Variants in ACO2 observed in about 807,000 individuals in gnomAD.
ACO2 encodes the protein aconitase 2, also known as aconitate hydratase, mitochondrial.
ACO2 carries 31 observed loss-of-function variants against 84.5 expected under a neutral mutation model. The observed-to-expected ratio is 0.37, with a 90% CI of 0.28 to 0.50. The LOEUF is 0.50. ACO2 is among the 20% of genes least tolerant of loss of function. ACO2 has a pLI of 0.97. For missense variants in ACO2, 685 were observed against 1,029.3 expected (o/e 0.67, Z 4.58); for synonymous variants, 414 against 412.7 (o/e 1.00, Z -0.04).
At chr22:41,507,527 G>A (rs1329006833) in intron 2 of ACO2, among the ~76,000 whole-genome samples, 2 of 152,178 alleles carry the variant, frequency 1.3e-5, no homozygotes, top group Non-Finnish European at 2.9e-5. Flanking sequence ...AAGAACCAGC[G>A]CTGCCCTCTT....
At chr22:41,486,897 T>G (rs2038164323) in intron 1 of ACO2, among the ~76,000 whole-genome samples, 1 of 151,358 alleles carries the variant, frequency 6.6e-6, no homozygotes, top group African/African-American at 2.4e-5. Context: ...TTTGTTTTCT[T>G]TTTTTTGAGA....
rs546158816 is a variant in ACO2 at position 41,491,697 on chromosome 22, A to G, written c.37-8029A>G. 4.9e-4 allele frequency among the ~76,000 whole-genome samples: 74 copies of G among 152,248 alleles called. 1 individual carries two copies. The highest frequency in any genetic ancestry group is 8.4e-4 in the Non-Finnish European group (57 of 68,040). The stretch of plus-strand genomic sequence containing the variant: ...TCCTTTATGGAGGAAACAATATAGT[A>G]TAACACATGTGGAGTGCTTTTATTA... On this transcript the variant is annotated intron_variant, in intron 1 of 17. Coordinates refer to ENST00000216254, the MANE Select transcript of ACO2 (RefSeq NM_001098.3).
chr22:41,493,788 G>A (rs978771277), intron 1 of ACO2, among the ~76,000 whole-genome samples: 1 of 152,154 alleles, frequency 6.6e-6, no homozygotes, highest in Non-Finnish European at 1.5e-5. Flanking sequence ...GCCAGGCGCG[G>A]TGGCTCACAC....
At chr22:41,511,991 G>A (rs757877239) in intron 4 of ACO2, 23 bp downstream of exon 4, 13 of 1,587,160 alleles carry the variant, frequency 8.2e-6, no homozygotes, top group South Asian at 3.4e-5. Context: ...TCAGTCTGCC[G>A]TCCCAAGGGC....
intron 1 of ACO2, among the ~76,000 whole-genome samples, chr22:41,485,031 C>T (rs528895378): frequency 6.6e-6 from 1 of 152,064 alleles, no homozygotes; most frequent in Non-Finnish European, 1.5e-5. Flanking sequence ...TGTGCGACCA[C>T]ACTCTGCTAA....
intron 2 of ACO2, among the ~76,000 whole-genome samples, chr22:41,502,829 C>T (rs745952735): frequency 2.0e-5 from 3 of 152,054 alleles, no homozygotes; most frequent in African/African-American, 4.8e-5. Context: ...AGGCTGGTCT[C>T]GAACTCCTGA....
chr22:41,494,508 T>C (rs1326579791), intron 1 of ACO2, among the ~76,000 whole-genome samples: 1 of 148,270 alleles, frequency 6.7e-6, no homozygotes, highest in East Asian at 2.0e-4. Flanking sequence ...ACTTCCCGGG[T>C]TCAAGCGATT....
At chr22:41,527,777 A>G in intron 16 of ACO2, 124 bp from the exon 17 acceptor site, 1 of 1,501,888 alleles carries the variant, frequency 6.7e-7, no homozygotes, top group Non-Finnish European at 9.0e-7. Context: ...CCCCATAGTC[A>G]CTGCCCGGGC....
intron 1 of ACO2, among the ~76,000 whole-genome samples, chr22:41,483,122 C>T (rs1195963908): frequency 1.3e-5 from 2 of 152,102 alleles, no homozygotes; most frequent in Admixed American, 6.5e-5. Context: ...AGGGCGAGGG[C>T]GCAGTGAAAG....
intron 12 of ACO2, 46 bp downstream of exon 12, chr22:41,523,987 T>C (rs1343732320): frequency 1.3e-6 from 2 of 1,567,498 alleles, no homozygotes; most frequent in Admixed American, 3.4e-5. Context: ...CCTCTGGGGG[T>C]CCCTGGCGGG....
intron 1 of ACO2, among the ~76,000 whole-genome samples, chr22:41,472,319 C>T (rs1258648653): frequency 1.3e-5 from 2 of 150,238 alleles, no homozygotes; most frequent in Non-Finnish European, 2.9e-5. Context: ...CGCCACTGCA[C>T]TACAGCCTGG....
At chr22:41,525,968 C>G (rs1056600315) in intron 14 of ACO2, 2 of 330,556 alleles carry the variant, frequency 6.1e-6, no homozygotes, top group Non-Finnish European at 1.1e-5. Flanking sequence ...GATCTTGCAG[C>G]TGAGGCCTGA....
chr22:41,527,728 T>C (rs2146152432), intron 16 of ACO2, 173 bp from the exon 17 acceptor site: 2 of 1,105,922 alleles, frequency 1.8e-6, no homozygotes, highest in Non-Finnish European at 2.5e-6. Context: ...CAGCGCACAC[T>C]TGCTAGGGGC....
At chr22:41,470,834 C>T (rs984783083) in intron 1 of ACO2, among the ~76,000 whole-genome samples, 2 of 152,162 alleles carry the variant, frequency 1.3e-5, no homozygotes, top group African/African-American at 4.8e-5. Flanking sequence ...TGAGCCACCA[C>T]ACCTGGCCTC....
Position 41,524,935 on chromosome 22 carries a change from G to A in ACO2, c.1572G>A (p.Leu524=), listed in dbSNP as rs1452705468. Residue 524 remains leucine, a synonymous_variant, in exon 13 of 18, where the codon CTG becomes CTA. Coordinates refer to ENST00000216254, the MANE Select transcript of ACO2 (RefSeq NM_001098.3). The stretch of plus-strand genomic sequence containing the variant: ...GCACGGATGGCAAGAAGTTCAGGCT[G>A]GAGGCTCCGGATGCAGATGAGCTTC... ...LTGTDGKKFR[L]EAPDADELPK... 6 of 1,614,102 alleles carry A rather than the reference G, an allele frequency of 3.7e-6. No individual in the cohort carries two copies. Among genetic ancestry groups the A allele is most frequent in the East Asian group, 2.2e-5 (1 of 44,900 alleles).
At chr22:41,472,772 C>T (rs2037962211) in intron 1 of ACO2, among the ~76,000 whole-genome samples, 1 of 151,984 alleles carries the variant, frequency 6.6e-6, no homozygotes, top group South Asian at 2.1e-4. Flanking sequence ...TTTGAAAAAC[C>T]ACATTTATTC....
chr22:41,527,716 A>G, intron 16 of ACO2, 185 bp from the exon 17 acceptor site: 2 of 961,780 alleles, frequency 2.1e-6, no homozygotes, highest in Non-Finnish European at 1.5e-6. Context: ...AGACCTCAGC[A>G]CCAGCGCACA....
chr22:41,506,257 CTT>C (rs796107121), intron 2 of ACO2, among the ~76,000 whole-genome samples: 12 of 142,206 alleles, frequency 8.4e-5, no homozygotes, highest in Non-Finnish European at 1.1e-4. Flanking sequence ...CTGGCTCATT[CTT>C]TTTTTTTTTT....
At chr22:41,490,713 C>G (rs769381039) in intron 1 of ACO2, among the ~76,000 whole-genome samples, 20 of 152,184 alleles carry the variant, frequency 1.3e-4, no homozygotes, top group Non-Finnish European at 2.2e-4. Flanking sequence ...CTAAAAGCAT[C>G]TAAGACTGAT....
Sources: gnomAD v4.1 joint callset for allele counts (sites outside exome capture counted in the v4.1 genomes callset) on GRCh38, gnomAD v4.1.1 for gene constraint, MANE v1.5 for transcripts, NCBI Gene and HGNC (gene_info 2026-07-23, HGNC 2026-07-21) for gene names.